PRKCB: variants seen among roughly 807,000 people sequenced by gnomAD.
PRKCB encodes the protein protein kinase C beta type.
A neutral mutation model predicts 81.5 loss-of-function variants in PRKCB; 13 were observed. The observed-to-expected ratio is 0.16, with a 90% CI of 0.10 to 0.25. The LOEUF (loss-of-function observed/expected upper bound fraction) is 0.25. PRKCB is among the 10% of genes least tolerant of loss of function. PRKCB has a pLI of 1.00. For synonymous variants in PRKCB, 335 were observed against 321.4 expected (o/e 1.04, Z -0.45); for missense variants, 509 against 875.7 (o/e 0.58, Z 5.29).
At chr16:23,961,217 T>C (rs920759678) in intron 2 of PRKCB, among the ~76,000 whole-genome samples, 2 of 152,240 alleles carry the variant, frequency 1.3e-5, no homozygotes, top group Non-Finnish European at 2.9e-5. Flanking sequence ...TTTCTTTTCC[T>C]TTCTTTAGCC....
chr16:24,010,248 C>T (rs753832141), intron 3 of PRKCB, among the ~76,000 whole-genome samples: 2 of 152,184 alleles, frequency 1.3e-5, no homozygotes, highest in African/African-American at 2.4e-5. Context: ...CACTCAGCTC[C>T]GTTTCCTAAT....
At chr16:24,174,792 G>A (rs1967502638) in intron 12 of PRKCB, 4 of 487,746 alleles carry the variant, frequency 8.2e-6, no homozygotes, top group Non-Finnish European at 1.5e-5. Flanking sequence ...TCGGTGGACT[G>A]TGTCACCAAT....
intron 5 of PRKCB, among the ~76,000 whole-genome samples, chr16:24,049,057 T>G (rs995968414): frequency 8.0e-5 from 11 of 137,752 alleles, no homozygotes; most frequent in African/African-American, 3.1e-4. Flanking sequence ...GTTTTTTTTT[T>G]TTTTTTTTTT....
At chr16:24,114,152 T>G (rs988478113) in intron 8 of PRKCB, among the ~76,000 whole-genome samples, 4 of 149,304 alleles carry the variant, frequency 2.7e-5, no homozygotes, top group African/African-American at 9.9e-5. Flanking sequence ...TGGCAGAGGC[T>G]GCAGTGAGCC....
intron 3 of PRKCB, among the ~76,000 whole-genome samples, chr16:24,029,576 T>C (rs1965525007): frequency 7.1e-6 from 1 of 139,974 alleles, no homozygotes; most frequent in African/African-American, 2.6e-5. Flanking sequence ...AGGCAGTTCT[T>C]TATAGCAGTA....
intron 5 of PRKCB, among the ~76,000 whole-genome samples, chr16:24,049,045 C>CTTTTTTTT (rs1462670006): frequency 2.4e-5 from 2 of 82,488 alleles, no homozygotes; most frequent in African/African-American, 5.9e-5. Context: ...TCAAATTGGC[C>CTTTTTTTT]TGTTTTTTTT....
chr16:24,105,110 G>A (rs1022319621), intron 7 of PRKCB, among the ~76,000 whole-genome samples: 3 of 151,338 alleles, frequency 2.0e-5, no homozygotes, highest in Non-Finnish European at 4.4e-5. Flanking sequence ...AGGCTGGAGT[G>A]CAGTGGCACG....
At chr16:23,922,978 C>G (rs12933794) in intron 2 of PRKCB, among the ~76,000 whole-genome samples, 77,865 of 151,814 alleles carry the variant, frequency 0.51, 21,021 homozygotes, top group East Asian at 0.62. Context: ...TTAGAGTTAC[C>G]TTTTTTTCCT....
chr16:24,179,418 G>T (rs190214825), intron 12 of PRKCB, among the ~76,000 whole-genome samples: 2 of 152,342 alleles, frequency 1.3e-5, no homozygotes, highest in African/African-American at 4.8e-5. Flanking sequence ...CGAAGGGAAA[G>T]ATCTGAATTA....
chr16:24,210,635 GACCAC>G (rs1968125303), intron 16 of PRKCB, among the ~76,000 whole-genome samples: 1 of 151,890 alleles, frequency 6.6e-6, no homozygotes, highest in Non-Finnish European at 1.5e-5. Flanking sequence ...GAGTAGCTGG[GACCAC>G]AGGTGTGCAC....
chr16:23,838,365 A>G (rs1278222826), intron 2 of PRKCB, among the ~76,000 whole-genome samples: 1 of 152,188 alleles, frequency 6.6e-6, no homozygotes, highest in African/African-American at 2.4e-5. Flanking sequence ...GTCTCAGTTG[A>G]TCCCAGTGGG....
intron 10 of PRKCB, among the ~76,000 whole-genome samples, chr16:24,155,450 GC>G (rs1967142487): frequency 6.6e-6 from 1 of 152,180 alleles, no homozygotes; most frequent in South Asian, 2.1e-4. Flanking sequence ...AAGAGTCCCT[GC>G]TTTAAGTAAC....
chr16:23,912,812 C>CTTTATTTA (rs778837740), intron 2 of PRKCB, among the ~76,000 whole-genome samples: 2 of 66,580 alleles, frequency 3.0e-5, no homozygotes, highest in African/African-American at 1.1e-4. Flanking sequence ...CGTGCCTGGC[C>CTTTATTTA]TTTATTTATT....
At chr16:24,161,712 T>C (rs1420131417) in intron 10 of PRKCB, among the ~76,000 whole-genome samples, 1 of 152,160 alleles carries the variant, frequency 6.6e-6, no homozygotes. Context: ...CTCTAGGAAG[T>C]CACTTAACAG....
chr16:23,981,176 G>A (rs1964696921), intron 2 of PRKCB, among the ~76,000 whole-genome samples: 1 of 152,026 alleles, frequency 6.6e-6, no homozygotes, highest in African/African-American at 2.4e-5. Flanking sequence ...GTGTCAGCAG[G>A]GCTGCCTTCC....
At chr16:24,031,864 C>T in intron 3 of PRKCB, 1 of 301,138 alleles carries the variant, frequency 3.3e-6, no homozygotes, top group Non-Finnish European at 6.2e-6. Flanking sequence ...GTTGAGTTCC[C>T]AGGCAGGCCC....
At chr16:23,879,533 C>T (rs1288880518) in intron 2 of PRKCB, among the ~76,000 whole-genome samples, 1 of 124,902 alleles carries the variant, frequency 8.0e-6, no homozygotes, top group African/African-American at 3.2e-5. Flanking sequence ...CGGAGCCCCA[C>T]TGTTGCCAGG....
chr16:24,062,613 C>G (rs1423258882), intron 5 of PRKCB, among the ~76,000 whole-genome samples: 1 of 152,160 alleles, frequency 6.6e-6, no homozygotes, highest in Non-Finnish European at 1.5e-5. Context: ...AGCAACTGGT[C>G]TGAAGTCACG....
intron 5 of PRKCB, among the ~76,000 whole-genome samples, chr16:24,059,661 T>C (rs1370174413): frequency 1.3e-5 from 2 of 152,070 alleles, no homozygotes; most frequent in African/African-American, 4.8e-5. Flanking sequence ...AGTGACACCC[T>C]ATCTCGAATA....
Sources: gnomAD v4.1 joint callset for allele counts (sites outside exome capture counted in the v4.1 genomes callset) on GRCh38, gnomAD v4.1.1 for gene constraint, MANE v1.5 for transcripts, NCBI Gene and HGNC (gene_info 2026-07-23, HGNC 2026-07-21) for gene names.